CENPP: variants seen among roughly 807,000 people sequenced by gnomAD.
The protein encoded by CENPP is centromere protein P.
CENPP carries 24 observed loss-of-function variants against 35.6 expected under a neutral mutation model. The ratio of observed to expected loss-of-function variants is 0.67; its 90% CI spans 0.49 to 0.95. CENPP has a LOEUF of 0.95. Ranked by LOEUF, CENPP falls within the 40% of genes least tolerant of loss-of-function variation. CENPP has a pLI of 0.00. For synonymous variants in CENPP, 120 were observed against 125.5 expected, an observed-to-expected ratio of 0.96 and a Z score of 0.29; for missense variants, 332 against 345.3, an observed-to-expected ratio of 0.96 and a Z score of 0.31.
intron 5 of CENPP, among the ~76,000 whole-genome samples, chr9:92,416,058 G>GTGTGTGTGTA (rs6151074): frequency 1.5e-5 from 2 of 130,932 alleles, no homozygotes; most frequent in Admixed American, 8.5e-5. Context: ...ATATATGTGT[G>GTGTGTGTGTA]TATATATATA....
intron 5 of CENPP, among the ~76,000 whole-genome samples, chr9:92,478,066 G>T (rs184351371): frequency 1.3e-5 from 2 of 152,042 alleles, no homozygotes; most frequent in Non-Finnish European, 2.9e-5. Context: ...GAAATAGAAT[G>T]TACAAACCTG....
intron 5 of CENPP, among the ~76,000 whole-genome samples, chr9:92,583,714 T>C (rs1850482799): frequency 6.6e-6 from 1 of 152,156 alleles, no homozygotes; most frequent in South Asian, 2.1e-4. Flanking sequence ...GTTGTTTTGC[T>C]TTCAAAATTT....
At chr9:92,474,080 G>A (rs1845622099) in intron 5 of CENPP, among the ~76,000 whole-genome samples, 1 of 152,190 alleles carries the variant, frequency 6.6e-6, no homozygotes, top group Non-Finnish European at 1.5e-5. Context: ...TTCATTAGAA[G>A]TATTAAAGAA....
rs1851427487 is a variant in CENPP, at chr9:92,616,202, T to C, written c.*3053T>C. The C allele has an allele frequency of 1.6e-6, 1 of 625,316 alleles. No individual in the cohort carries two copies. Among genetic ancestry groups the C allele is most frequent in the Non-Finnish European group, 2.8e-6 (1 of 359,280 alleles). The allele number at this position is 625,316 out of a possible 1,614,324, so 38.7% of individuals were successfully genotyped here. ...CAAAGTTAGATAAATCAATCTCTTTTAAAAGAGAAGTGAATGGCCTCACAC... is the reference window on the plus strand; with the variant it reads ...CAAAGTTAGATAAATCAATCTCTTTCAAAAGAGAAGTGAATGGCCTCACAC... On this transcript the variant is annotated 3_prime_UTR_variant, in exon 8 of 8. Transcript: ENST00000375587.
At chr9:92,358,952 C>CTTT (rs547707825) in intron 4 of CENPP, among the ~76,000 whole-genome samples, 3 of 122,376 alleles carry the variant, frequency 2.5e-5, no homozygotes, top group Non-Finnish European at 3.4e-5. Context: ...TTCTTTCTTT[C>CTTT]TTTTTTTTTT....
At chr9:92,449,786 C>G (rs10992342) in intron 5 of CENPP, among the ~76,000 whole-genome samples, 1 of 151,846 alleles carries the variant, frequency 6.6e-6, no homozygotes, top group Admixed American at 6.6e-5. Flanking sequence ...TGCTGCTCCC[C>G]CTTCTCCTTC....
intron 5 of CENPP, among the ~76,000 whole-genome samples, chr9:92,569,643 G>A (rs1002158188): frequency 2.0e-5 from 3 of 152,094 alleles, no homozygotes; most frequent in Non-Finnish European, 2.9e-5. Context: ...TGATGGGGAT[G>A]GCATTGAATC....
intron 5 of CENPP, among the ~76,000 whole-genome samples, chr9:92,405,296 A>T (rs9695754): frequency 0.26 from 37,448 of 143,328 alleles, 6,542 homozygotes; most frequent in African/African-American, 0.5. Flanking sequence ...ATTTTTTTAA[A>T]GAGTCACTTT....
rs894989037 is a variant in CENPP at position 92,525,821 on chromosome 9, C to T, written c.565-85493C>T. 5.0e-5 allele frequency among the ~76,000 whole-genome samples: 7 copies of T among 139,750 alleles called. No homozygotes were observed. The East Asian group carries it at 9.0e-4, about 18-fold the overall frequency. 91.7% of individuals were successfully genotyped at this position (139,750 alleles called of 152,430 possible). A position where few individuals can be genotyped will look rare whatever the true frequency, so the allele number is the denominator to read the frequency against. The stretch of plus-strand genomic sequence containing the variant: ...AGAAGAATCGCTTAAACCCGGGAGG[C>T]GGAGGTTGCACTGAGTAGCTAGGAC... On this transcript the variant is annotated intron_variant, in intron 5 of 7. Transcript: ENST00000375587.
chr9:92,466,075 C>T (rs966987554), intron 5 of CENPP, among the ~76,000 whole-genome samples: 4 of 152,230 alleles, frequency 2.6e-5, no homozygotes, highest in East Asian at 3.9e-4. Flanking sequence ...TTAGGAGATC[C>T]GCCCGCCTTG....
At chr9:92,457,284 A>C (rs770166448) in intron 5 of CENPP, 1 of 1,612,512 alleles carries the variant, frequency 6.2e-7, no homozygotes, top group South Asian at 1.1e-5. Context: ...CCAATTACTA[A>C]TTATTACATT....
At chr9:92,365,551 C>G (rs1841866945) in intron 4 of CENPP, among the ~76,000 whole-genome samples, 1 of 151,568 alleles carries the variant, frequency 6.6e-6, no homozygotes, top group Admixed American at 6.6e-5. Context: ...GCTGGGATTA[C>G]AGGCATCCAC....
In CENPP at chr9:92,523,540, A is replaced by C. The variant is rs572215877; in HGVS notation, c.565-87774A>C. Among the ~76,000 whole-genome samples the C allele has an allele frequency of 2.6e-5, 4 of 152,342 alleles. No homozygotes were observed. The East Asian group carries it at 7.7e-4, about 29-fold the overall frequency. ...GCACAATGGAGGCTGCAAAAGGCCC[A>C]GAGTTCTGGTCTCCACACGATTTAT... is the stretch of plus-strand genomic sequence containing the variant. On this transcript the variant is annotated intron_variant, in intron 5 of 7. Transcript: ENST00000375587.
At position 92,616,353 on chromosome 9, in the gene CENPP, G is replaced by C. The variant is rs992280795; in HGVS notation, c.*3204G>C. 3.1e-6 allele frequency: 1 copy of C among 317,930 alleles called. No homozygotes were observed. Among genetic ancestry groups the C allele is most frequent in the Non-Finnish European group, 5.9e-6 (1 of 169,940 alleles). The allele number at this position is 317,930 out of a possible 1,614,324, so 19.7% of individuals were successfully genotyped here. A position where few individuals can be genotyped will look rare whatever the true frequency, so the allele number is the denominator to read the frequency against. On this transcript the variant is annotated 3_prime_UTR_variant, in exon 8 of 8. Transcript: ENST00000375587. ...CAGTGCACCCCACCATACCAGGCGA[G>C]AGAGGGTTAAAGGACTGAAAGATGG...
chr9:92,583,227 T>C (rs1850470370), intron 5 of CENPP, among the ~76,000 whole-genome samples: 1 of 152,172 alleles, frequency 6.6e-6, no homozygotes, highest in Non-Finnish European at 1.5e-5. Flanking sequence ...TATACACTAG[T>C]ATAGAGTTAA....
At chr9:92,556,224 A>G (rs868622565) in intron 5 of CENPP, among the ~76,000 whole-genome samples, 36 of 152,178 alleles carry the variant, frequency 2.4e-4, no homozygotes, top group African/African-American at 8.7e-4. Context: ...ATTGATTTCC[A>G]GTTTTATTCC....
In CENPP at chr9:92,476,050, A is replaced by G. The variant is rs1044114716; in HGVS notation, c.564+96191A>G. On this transcript the variant is annotated intron_variant, in intron 5 of 7. Coordinates refer to ENST00000375587, the MANE Select transcript of CENPP (RefSeq NM_001012267.3). This position sits in a 1 kb window ranked among gnomAD's most constrained non-coding sequence, Gnocchi z 4.1. ...AAATTATTCAAAATAGATGCATCCT[A>G]GAGATGCTCACTGGTGAAACTGAGT... is the stretch of plus-strand genomic sequence containing the variant. Among the ~76,000 whole-genome samples the G allele has an allele frequency of 2.0e-5, 3 of 152,216 alleles. No individual in the cohort carries two copies. Among genetic ancestry groups the G allele is most frequent in the Admixed American group, 2.0e-4 (3 of 15,288 alleles).
intron 5 of CENPP, among the ~76,000 whole-genome samples, chr9:92,471,851 C>T (rs978583149): frequency 1.3e-5 from 2 of 151,778 alleles, no homozygotes; most frequent in Admixed American, 1.3e-4. Flanking sequence ...CTAGACACAG[C>T]GTTTCGCCAT....
intron 5 of CENPP, among the ~76,000 whole-genome samples, chr9:92,562,207 C>CT (rs1403227581): frequency 7.8e-4 from 102 of 131,456 alleles, no homozygotes; most frequent in Non-Finnish European, 1.2e-3. Context: ...TTTTTCTTTT[C>CT]TTTTTTTTTT....
Sources: gnomAD v4.1 joint callset for allele counts (sites outside exome capture counted in the v4.1 genomes callset) on GRCh38, gnomAD v4.1.1 for gene constraint, Gnocchi (gnomAD v3.1) non-coding constraint, MANE v1.5 for transcripts, NCBI Gene and HGNC (gene_info 2026-07-23, HGNC 2026-07-21) for gene names.